Variants in SPAST observed in about 807,000 individuals in gnomAD.
SPAST encodes spastin.
In SPAST, 30 loss-of-function variants were observed where a neutral mutation model predicts 76.6. The ratio of observed to expected loss-of-function variants is 0.39; its 90% confidence interval spans 0.29 to 0.53. The LOEUF is 0.53. SPAST is among the 20% of genes least tolerant of loss of function. SPAST has a pLI of 0.68. For synonymous variants in SPAST, 305 were observed against 281.0 expected, an observed-to-expected ratio of 1.09 and a Z score of -0.86; for missense variants, 717 against 770.5, an observed-to-expected ratio of 0.93 and a Z score of 0.82.
At chr2:32,110,723 T>C (rs529190176) in intron 4 of SPAST, among the ~76,000 whole-genome samples, 86 of 131,454 alleles carry the variant, frequency 6.5e-4, no homozygotes, top group Middle Eastern at 0.014. Flanking sequence ...CTATATAGTA[T>C]ACATATAGTA....
chr2:32,108,597 G>A (rs1037199185), intron 4 of SPAST, among the ~76,000 whole-genome samples: 7 of 151,574 alleles, frequency 4.6e-5, no homozygotes, highest in Admixed American at 3.9e-4. Context: ...GACTACAGGT[G>A]GGCACCACTG....
In SPAST at chr2:32,063,793, G is replaced by A. The variant is rs890467052; in HGVS notation, c.-39G>A. On this transcript the variant is annotated 5_prime_UTR_variant, in exon 1 of 17. Transcript: ENST00000315285. ...GTCGCTTGGTTCCCGTCGGTCTGCG[G>A]GAGGCGGGTTATGGCGGCGGCGGCA... 1.9e-6 allele frequency: 3 copies of A among 1,550,856 alleles called. No homozygotes were observed. The highest frequency in any genetic ancestry group is 1.4e-5 in the African/African-American group (1 of 73,686).
At chr2:32,090,551 C>G (rs1426857767) in intron 3 of SPAST, among the ~76,000 whole-genome samples, 1 of 152,092 alleles carries the variant, frequency 6.6e-6, no homozygotes, top group African/African-American at 2.4e-5. Flanking sequence ...CTGACCCCCC[C>G]AAAATGCAAT....
chr2:32,063,696 G>C lies in SPAST; in HGVS notation c.-136G>C. The C allele has an allele frequency of 8.6e-7, 1 of 1,168,574 alleles. No homozygotes were observed. The highest frequency in any genetic ancestry group is 1.2e-6 in the Non-Finnish European group (1 of 848,484). 72.4% of individuals were successfully genotyped at this position (1,168,574 alleles called of 1,614,324 possible). On this transcript the variant is annotated 5_prime_UTR_variant, in exon 1 of 17. Coordinates refer to ENST00000315285, the MANE Select transcript of SPAST (RefSeq NM_014946.4). ...GGGGCGGGGCCGGCGGGCAGCGTGC[G>C]GCAGTGCGGAGCTCCTGAGACCGGC...
At chr2:32,125,846 G>C (rs1434723863) in intron 7 of SPAST, among the ~76,000 whole-genome samples, 2 of 152,098 alleles carry the variant, frequency 1.3e-5, no homozygotes, top group East Asian at 3.9e-4. Context: ...CCGGGTTGGA[G>C]TGCAGTGGCG....
chr2:32,091,688 G>T (rs1411788357), intron 3 of SPAST, among the ~76,000 whole-genome samples: 4 of 151,764 alleles, frequency 2.6e-5, no homozygotes, highest in Non-Finnish European at 4.4e-5. Context: ...CAAAAAACTA[G>T]CCAGGTGTGG....
chr2:32,144,266 T>C (rs1236069857), intron 14 of SPAST, among the ~76,000 whole-genome samples: 1 of 152,170 alleles, frequency 6.6e-6, no homozygotes, highest in Non-Finnish European at 1.5e-5. Context: ...TTGTCCCTTA[T>C]CCCATCAAGA....
chr2:32,110,377 C>G (rs1415289387), intron 4 of SPAST, among the ~76,000 whole-genome samples: 1 of 149,140 alleles, frequency 6.7e-6, no homozygotes, highest in African/African-American at 2.5e-5. Flanking sequence ...CTCGGCCTCC[C>G]AAAGTGCTGG....
intron 1 of SPAST, among the ~76,000 whole-genome samples, chr2:32,074,581 A>C (rs990936076): frequency 5.9e-5 from 9 of 151,562 alleles, no homozygotes; most frequent in Admixed American, 5.3e-4. Flanking sequence ...ATCTCAGCTC[A>C]CTGCAGCCTC....
chr2:32,119,188 G>C (rs1249477571), intron 7 of SPAST, among the ~76,000 whole-genome samples: 2 of 152,002 alleles, frequency 1.3e-5, no homozygotes, highest in Admixed American at 1.3e-4. Flanking sequence ...TTTTTTCCTT[G>C]TAGTTCAGAT....
At chr2:32,074,633 A>C (rs1029524428) in intron 1 of SPAST, among the ~76,000 whole-genome samples, 1 of 151,868 alleles carries the variant, frequency 6.6e-6, no homozygotes, top group Admixed American at 6.6e-5. Context: ...CAGCCTCCCA[A>C]CTAGCTGGAA....
intron 9 of SPAST, among the ~76,000 whole-genome samples, chr2:32,130,919 T>C (rs1461033977): frequency 3.3e-5 from 5 of 152,186 alleles, no homozygotes; most frequent in African/African-American, 1.2e-4. Flanking sequence ...GTCTAGCTGC[T>C]ATGAACAGCA....
intron 1 of SPAST, among the ~76,000 whole-genome samples, chr2:32,086,886 A>G (rs1393449755): frequency 2.0e-5 from 3 of 152,224 alleles, no homozygotes; most frequent in Non-Finnish European, 4.4e-5. Flanking sequence ...TACAGAAGTT[A>G]TTCTACATAC....
At chr2:32,065,675 A>G (rs1676480843) in intron 1 of SPAST, among the ~76,000 whole-genome samples, 1 of 152,174 alleles carries the variant, frequency 6.6e-6, no homozygotes, top group Admixed American at 6.6e-5. Context: ...CTTTTCTACC[A>G]CACCTCAATT....
At chr2:32,144,268 C>T (rs1274751370) in intron 14 of SPAST, among the ~76,000 whole-genome samples, 2 of 152,116 alleles carry the variant, frequency 1.3e-5, no homozygotes, top group Admixed American at 6.6e-5. Context: ...GTCCCTTATC[C>T]CATCAAGAGA....
intron 7 of SPAST, among the ~76,000 whole-genome samples, chr2:32,120,572 CTTT>C (rs36066356): frequency 1.5e-5 from 2 of 131,200 alleles, no homozygotes; most frequent in Admixed American, 7.9e-5. Context: ...TAACTCAGGT[CTTT>C]TTTTTTTTTT....
intron 1 of SPAST, among the ~76,000 whole-genome samples, chr2:32,076,492 G>A (rs992425577): frequency 6.6e-6 from 1 of 152,062 alleles, no homozygotes; most frequent in African/African-American, 2.4e-5. Context: ...AAAGTGCTGG[G>A]ACTACAGACA....
At chr2:32,127,079 A>G in intron 8 of SPAST, 57 bp downstream of exon 8, 1 of 1,168,396 alleles carries the variant, frequency 8.6e-7, no homozygotes, top group Non-Finnish European at 1.3e-6. Context: ...TAATATGAAA[A>G]AAAGAAACTT....
chr2:32,128,875 C>A, intron 9 of SPAST: 1 of 264,196 alleles, frequency 3.8e-6, no homozygotes, highest in Non-Finnish European at 7.4e-6. Flanking sequence ...TTTTGTATTC[C>A]TTGGCTTGTA....
Sources: gnomAD v4.1 joint callset for allele counts (sites outside exome capture counted in the v4.1 genomes callset) on GRCh38, gnomAD v4.1.1 for gene constraint, MANE v1.5 for transcripts, NCBI Gene and HGNC (gene_info 2026-07-23, HGNC 2026-07-21) for gene names.